The following TNS3 variants were observed in gnomAD, a reference collection of about 807,000 sequenced individuals.
TNS3 encodes tensin 3.
In TNS3, 45 loss-of-function variants were observed where a neutral mutation model predicts 140.9. That is an observed-to-expected ratio of 0.32 (90% confidence interval 0.25 to 0.41). The LOEUF is 0.41. TNS3 is among the 10% of genes least tolerant of loss of function. TNS3 has a pLI of 1.00. For synonymous variants in TNS3, 815 were observed against 788.4 expected (o/e 1.03, Z -0.56); for missense variants, 1,716 against 1,906.7 (o/e 0.90, Z 1.86).
intron 16 of TNS3, among the ~76,000 whole-genome samples, chr7:47,395,528 T>C (rs1792778238): frequency 6.6e-6 from 1 of 152,228 alleles, no homozygotes; most frequent in Non-Finnish European, 1.5e-5. Flanking sequence ...ATAAATCTTA[T>C]GAAATTATTC....
rs747538493 is a variant in TNS3 at position 47,439,501 on chromosome 7, C to T, written c.136G>A (p.Gly46Arg). The change falls in exon 6 of 31, where the codon GGG (glycine) becomes AGG (arginine). Residue 46 changes from glycine (G) to arginine (R), a missense_variant. This residue lies in a region of TNS3 where 337 missense variants were observed against 428.9 expected (regional missense o/e 0.79). Transcript: ENST00000311160. ...EVTRMLKSKH[G>R]DNYLVLNLSE... ...CCACCGCTCACCAGGTAGTTGTCCCCGTGCTTGGACTTGAGCATGCGCGTG... is the reference window on the plus strand; with the variant it reads ...CCACCGCTCACCAGGTAGTTGTCCCTGTGCTTGGACTTGAGCATGCGCGTG... 30 of 1,613,634 alleles carry T rather than the reference C, an allele frequency of 1.9e-5. No individual in the cohort carries two copies. The highest frequency in any genetic ancestry group is 4.5e-5 in the East Asian group (2 of 44,880).
At chr7:47,578,436 C>A (rs1041987323) in intron 1 of TNS3, among the ~76,000 whole-genome samples, 2 of 152,130 alleles carry the variant, frequency 1.3e-5, no homozygotes, top group African/African-American at 4.8e-5. Context: ...CCCCCATCCT[C>A]AGTCACCCTC....
intron 2 of TNS3, among the ~76,000 whole-genome samples, chr7:47,525,273 G>C (rs1799151350): frequency 6.6e-6 from 1 of 152,190 alleles, no homozygotes; most frequent in Admixed American, 6.5e-5. Flanking sequence ...TCCAAGAGGA[G>C]GCGGGAAAGC....
At position 47,529,051 on chromosome 7, in the gene TNS3, C is replaced by A; in HGVS notation, c.-168G>T. 7.8e-7 allele frequency: 1 copy of A among 1,287,564 alleles called. No homozygotes were observed. The highest frequency in any genetic ancestry group is 1.0e-6 in the Non-Finnish European group (1 of 987,968). 79.8% of individuals were successfully genotyped at this position (1,287,564 alleles called of 1,614,324 possible). On this transcript the variant is annotated 5_prime_UTR_variant, in exon 2 of 31. The change creates a new upstream start codon in the 5' untranslated region. Transcript: ENST00000311160. Reference sequence around the variant, plus strand: ...ACAGACTTACCTCGGCATGAAATACCTTGACCGTCAATAATTTGTTTGCAA... The same window carrying A: ...ACAGACTTACCTCGGCATGAAATACATTGACCGTCAATAATTTGTTTGCAA...
chr7:47,351,826 C>G (rs1358209955), intron 17 of TNS3, among the ~76,000 whole-genome samples: 2 of 152,100 alleles, frequency 1.3e-5, no homozygotes, highest in African/African-American at 4.8e-5. Flanking sequence ...GAAGAATGGA[C>G]CACGCTAGGA....
chr7:47,443,527 G>C (rs1239411188), intron 4 of TNS3, among the ~76,000 whole-genome samples: 1 of 152,194 alleles, frequency 6.6e-6, no homozygotes. Context: ...TTGCCTAGTA[G>C]AGCAGCAAAA....
Position 47,369,523 on chromosome 7 carries a change from G to A in TNS3, c.1123C>T (p.Pro375Ser), listed in dbSNP as rs1790929570. 1.9e-6 allele frequency: 3 copies of A among 1,613,956 alleles called. No individual in the cohort carries two copies. Among genetic ancestry groups the A allele is most frequent in the African/African-American group, 2.7e-5 (2 of 75,034 alleles). The change falls in exon 17 of 31, where the codon CCG (proline) becomes TCG (serine). Residue 375 changes from proline (P) to serine (S), a missense_variant. Physicochemically the swap from Pro to Ser is moderately conservative, Grantham distance 74 (BLOSUM62 -1). Transcript: ENST00000311160. The stretch of plus-strand genomic sequence containing the variant: ...CTGTGGTCTGGGCTGTTGGTGGCCG[G>A]GATTGCCTGGGGGCCACCTGGGATG... ...PGIPGGPQAI[P>S]ATNSPDHSDH...
At chr7:47,441,952 G>A (rs1360921234) in intron 5 of TNS3, 51 bp downstream of exon 5, 2 of 1,240,544 alleles carry the variant, frequency 1.6e-6, no homozygotes, top group African/African-American at 1.5e-5. Flanking sequence ...TCTGTAGAGA[G>A]CTGACCTACA....
intron 1 of TNS3, among the ~76,000 whole-genome samples, chr7:47,549,619 A>G (rs939719313): frequency 2.0e-5 from 3 of 152,122 alleles, no homozygotes; most frequent in Non-Finnish European, 4.4e-5. Flanking sequence ...TGTCCTTACA[A>G]ACGGGCTCAC....
At chr7:47,533,805 T>G (rs1376110268) in intron 1 of TNS3, among the ~76,000 whole-genome samples, 1 of 152,128 alleles carries the variant, frequency 6.6e-6, no homozygotes, top group Non-Finnish European at 1.5e-5. Flanking sequence ...CTGCACAAGC[T>G]CTCTCTCTTT....
At position 47,369,093 on chromosome 7, in the gene TNS3, T is replaced by G. The variant is rs201627231; in HGVS notation, c.1553A>C (p.Asn518Thr). 6.2e-7 allele frequency: 1 copy of G among 1,614,002 alleles called. No individual in the cohort carries two copies. The highest frequency in any genetic ancestry group is 1.3e-5 in the African/African-American group (1 of 75,018). Residue 518 changes from asparagine to threonine, a missense_variant, in exon 17 of 31, where the codon AAC becomes ACC. Asn to Thr is a moderately conservative substitution (Grantham distance 65, BLOSUM62 0). Around this residue, in one of 3 missense-constraint regions of TNS3, gnomAD observed 1,163 missense variants for 1,182.1 expected, o/e 0.98. Coordinates refer to ENST00000311160, the MANE Select transcript of TNS3 (RefSeq NM_022748.12). Reference sequence around the variant, plus strand: ...GCCAAAACCGTCAGATAGGAGTGAGTTCTGGCTGCTCTTGTGGCAGGTGAA... The same window carrying G: ...GCCAAAACCGTCAGATAGGAGTGAGGTCTGGCTGCTCTTGTGGCAGGTGAA... ...GPFTCHKSSQ[N>T]SLLSDGFGSN...
At chr7:47,437,114 A>G (rs968926477) in intron 7 of TNS3, 149 bp downstream of exon 7, 2 of 501,596 alleles carry the variant, frequency 4.0e-6, no homozygotes, top group Non-Finnish European at 7.1e-6. Flanking sequence ...CAAACTGAAA[A>G]AAAAGTAATT....
rs111384360 is a variant in TNS3 at position 47,528,507 on chromosome 7, C to T, written c.-153+529G>A. On this transcript the variant is annotated intron_variant, in intron 2 of 30. Coordinates refer to ENST00000311160, the MANE Select transcript of TNS3 (RefSeq NM_022748.12). ...GCCAAGCAGCCCCTGCCCCCCACCA[C>T]TCCCACATTCATTACAGTCACACCT... 9.8e-5 allele frequency among the ~76,000 whole-genome samples: 15 copies of T among 152,304 alleles called. 1 individual carries two copies. Among genetic ancestry groups the T allele is most frequent in the Middle Eastern group, 3.4e-3 (1 of 294 alleles).
chr7:47,475,890 G>A (rs751029444), intron 4 of TNS3, among the ~76,000 whole-genome samples: 4 of 152,120 alleles, frequency 2.6e-5, no homozygotes, highest in Admixed American at 6.5e-5. Context: ...CTGCAAATGC[G>A]GGATCACAGG....
At chr7:47,420,414 T>C (rs1046057526) in intron 10 of TNS3, among the ~76,000 whole-genome samples, 41 of 152,272 alleles carry the variant, frequency 2.7e-4, no homozygotes, top group African/African-American at 9.9e-4. Flanking sequence ...GAGACACAAC[T>C]TCTTGGGCAC....
At chr7:47,489,902 A>G (rs1584762356) in intron 3 of TNS3, among the ~76,000 whole-genome samples, 1 of 152,216 alleles carries the variant, frequency 6.6e-6, no homozygotes, top group Non-Finnish European at 1.5e-5. Context: ...CTCATGGTGC[A>G]GCCGAGGCCC....
At position 47,275,926 on chromosome 7, in the gene TNS3, T is replaced by TAG. The variant is rs1442348962; in HGVS notation, c.*2148_*2149dup. ...GCTGCGTTTCTCAATACTGAGACCC[T>TAG]AGTTTGCTCTGACTTCTAAATGAGC... On this transcript the variant is annotated 3_prime_UTR_variant, in exon 31 of 31. Coordinates refer to ENST00000311160, the MANE Select transcript of TNS3 (RefSeq NM_022748.12). The TAG allele has an allele frequency of 1.3e-5, 6 of 452,758 alleles. No individual in the cohort carries two copies. The highest frequency in any genetic ancestry group is 2.7e-5 in the Non-Finnish European group (6 of 224,938). The allele number at this position is 452,758 out of a possible 1,614,324, so 28.0% of individuals were successfully genotyped here. A position where few individuals can be genotyped will look rare whatever the true frequency, so the allele number is the denominator to read the frequency against.
intron 20 of TNS3, among the ~76,000 whole-genome samples, chr7:47,319,906 T>G (rs1197730620): frequency 1.3e-5 from 2 of 152,174 alleles, no homozygotes; most frequent in Non-Finnish European, 2.9e-5. Flanking sequence ...AACCAGGCGT[T>G]GCCATCTTCA....
intron 3 of TNS3, among the ~76,000 whole-genome samples, chr7:47,494,925 G>T (rs1797945455): frequency 6.6e-6 from 1 of 152,076 alleles, no homozygotes; most frequent in African/African-American, 2.4e-5. Context: ...TGAATGCTTC[G>T]TTATGGGTTT....
Sources: gnomAD v4.1 joint callset for allele counts (sites outside exome capture counted in the v4.1 genomes callset) on GRCh38, gnomAD v4.1.1 for gene constraint, gnomAD v4.1.1 regional missense constraint, MANE v1.5 for transcripts, NCBI Gene and HGNC (gene_info 2026-07-23, HGNC 2026-07-21) for gene names.